The following GPR161 variants were observed in gnomAD, a reference collection of about 807,000 sequenced individuals.
GPR161 encodes G protein-coupled receptor 161, also known as G-protein coupled receptor RE2.
Under a neutral mutation model 39.2 loss-of-function variants are expected in GPR161, and 25 were observed. That is an observed-to-expected ratio of 0.64 (90% CI 0.47 to 0.89). The LOEUF is 0.89. Ranked by LOEUF, GPR161 falls within the 40% of genes least tolerant of loss-of-function variation. The pLI is 0.00. For missense variants in GPR161, 547 were observed against 677.8 expected (o/e 0.81, Z 2.14); for synonymous variants, 286 against 276.6 (o/e 1.03, Z -0.34).
chr1:168,101,425 C>G (rs1696091729), intron 2 of GPR161, among the ~76,000 whole-genome samples: 1 of 152,212 alleles, frequency 6.6e-6, no homozygotes. Flanking sequence ...AGGACAGCTC[C>G]TCACCACAGA....
intron 5 of GPR161, 60 bp from the exon 6 acceptor site, chr1:168,085,856 G>T: frequency 6.9e-7 from 1 of 1,458,244 alleles, no homozygotes; most frequent in South Asian, 1.3e-5. Context: ...ACTACCTTGG[G>T]GACAAGCCTG....
chr1:168,100,937 C>T (rs1371438193), intron 2 of GPR161, among the ~76,000 whole-genome samples: 1 of 152,136 alleles, frequency 6.6e-6, no homozygotes, highest in Non-Finnish European at 1.5e-5. Context: ...ACAGTGGAAC[C>T]GCTGGCAGGT....
chr1:168,100,094 A>G (rs1695950317), intron 2 of GPR161, among the ~76,000 whole-genome samples: 1 of 150,636 alleles, frequency 6.6e-6, no homozygotes, highest in African/African-American at 2.4e-5. Context: ...AGACTTAGCT[A>G]TTTGGGAGGC....
In GPR161 at chr1:168,104,436, G is replaced by A. The variant is rs58267267; in HGVS notation, c.374+41C>T. On this transcript the variant is annotated intron_variant, in intron 2 of 5. Transcript: ENST00000682931. ...GGGACACTGCACCAGATGAGCGCCCGTCAGTAATCCCTCAATTCTCTAAGT... is the reference window on the plus strand; with the variant it reads ...GGGACACTGCACCAGATGAGCGCCCATCAGTAATCCCTCAATTCTCTAAGT... The A allele has an allele frequency of 8.1e-4, 1,255 of 1,541,882 alleles. 10 individuals carry two copies. The African/African-American group carries it at 0.012, about 15-fold the overall frequency.
At chr1:168,119,238 AT>A (rs1697920230) in intron 1 of GPR161, among the ~76,000 whole-genome samples, 1 of 124,172 alleles carries the variant, frequency 8.1e-6, no homozygotes, top group African/African-American at 3.4e-5. Flanking sequence ...GTATATATAT[AT>A]ATACACATAT....
chr1:168,090,297 C>T (rs1694925345), intron 4 of GPR161: 2 of 315,446 alleles, frequency 6.3e-6, no homozygotes, highest in South Asian at 1.0e-4. Flanking sequence ...CAAAGGCTTT[C>T]ACTCACTTTC....
chr1:168,105,316 A>C (rs1237390946), intron 1 of GPR161, among the ~76,000 whole-genome samples: 2 of 152,064 alleles, frequency 1.3e-5, no homozygotes, highest in African/African-American at 4.8e-5. Context: ...GGGCTGTTAC[A>C]AGTGGTCTAT....
chr1:168,119,938 A>G (rs1698024083), intron 1 of GPR161, among the ~76,000 whole-genome samples: 1 of 152,250 alleles, frequency 6.6e-6, no homozygotes, highest in Non-Finnish European at 1.5e-5. Context: ...TCCAGGCAGA[A>G]GTCTGCTGCA....
At chr1:168,110,592 G>GA (rs112057585) in intron 1 of GPR161, among the ~76,000 whole-genome samples, 1 of 71,848 alleles carries the variant, frequency 1.4e-5, no homozygotes, top group Non-Finnish European at 2.6e-5. Context: ...GAAAAGAAAA[G>GA]AAAAGAGACA....
At chr1:168,087,334 G>GGTGGGTGT (rs1553258171) in intron 5 of GPR161, among the ~76,000 whole-genome samples, 3 of 148,684 alleles carry the variant, frequency 2.0e-5, no homozygotes, top group African/African-American at 7.4e-5. Flanking sequence ...AACACGTGTG[G>GGTGGGTGT]GTGTGTGTGT....
chr1:168,133,963 G>A (rs1025929001), intron 1 of GPR161: 9 of 615,440 alleles, frequency 1.5e-5, no homozygotes, highest in African/African-American at 1.4e-4. Flanking sequence ...CAAAGGTGGG[G>A]AGAAGGAGTA....
In GPR161 at chr1:168,098,735, G is replaced by A. The variant is rs183840243; in HGVS notation, c.375-1503C>T. On this transcript the variant is annotated intron_variant, in intron 2 of 5. Transcript: ENST00000682931. The surrounding 1 kb of genome is among the most constrained non-coding windows in gnomAD (Gnocchi z 4.1). ...GAGAGCATTTCCGGCTATGCGGCCTGAGGAGAAGATTGCGCAGTGATTAGG... is the reference window on the plus strand; with the variant it reads ...GAGAGCATTTCCGGCTATGCGGCCTAAGGAGAAGATTGCGCAGTGATTAGG... 6.6e-6 allele frequency among the ~76,000 whole-genome samples: 1 copy of A among 152,348 alleles called. No individual in the cohort carries two copies. Among genetic ancestry groups the A allele is most frequent in the East Asian group, 1.9e-4 (1 of 5,166 alleles).
chr1:168,108,559 C>A (rs7556350), intron 1 of GPR161, among the ~76,000 whole-genome samples: 1 of 115,424 alleles, frequency 8.7e-6, no homozygotes, highest in Non-Finnish European at 1.8e-5. Context: ...CATACACACA[C>A]AAATATATAT....
intron 1 of GPR161, among the ~76,000 whole-genome samples, chr1:168,116,933 C>T (rs894235869): frequency 3.9e-5 from 6 of 152,180 alleles, no homozygotes; most frequent in Non-Finnish European, 2.9e-5. Flanking sequence ...AGAGTCAGAA[C>T]CCCAGATGGC....
Position 168,081,321 on chromosome 1 carries a change from G to C in GPR161, c.*4210C>G, listed in dbSNP as rs1694061866. On this transcript the variant is annotated 3_prime_UTR_variant, in exon 6 of 6. Transcript: ENST00000682931. The stretch of plus-strand genomic sequence containing the variant: ...TCCTTCCTTGCTGTGCAACAAATAT[G>C]ACAAAATTCCCAAGGCAAAAACCTT... The C allele has an allele frequency of 6.6e-6, 1 of 152,064 alleles. No homozygotes were observed. The highest frequency in any genetic ancestry group is 1.5e-5 in the Non-Finnish European group (1 of 68,040). The allele number at this position is 152,064 out of a possible 1,614,324, so 9.4% of individuals were successfully genotyped here.
intron 2 of GPR161, among the ~76,000 whole-genome samples, chr1:168,101,221 T>C (rs1696074546): frequency 6.6e-6 from 1 of 152,200 alleles, no homozygotes; most frequent in African/African-American, 2.4e-5. Flanking sequence ...GTTGGTGTAC[T>C]GCACCCATTA....
chr1:168,121,766 G>A (rs1698185882), intron 1 of GPR161, among the ~76,000 whole-genome samples: 2 of 152,186 alleles, frequency 1.3e-5, no homozygotes, highest in Admixed American at 6.5e-5. Flanking sequence ...GCAGCCCGCC[G>A]GCTGCCCCAG....
At chr1:168,135,031 A>C (rs1699260472) in intron 1 of GPR161, 20 of 1,522,164 alleles carry the variant, frequency 1.3e-5, no homozygotes, top group Non-Finnish European at 1.8e-5. Context: ...CGCACAGTGC[A>C]CCAGGCTGCA....
chr1:168,088,593 T>C (rs1429132540), intron 4 of GPR161: 1 of 152,268 alleles, frequency 6.6e-6, no homozygotes, highest in East Asian at 1.9e-4. Flanking sequence ...AATGCCTCAG[T>C]ATCTTTCCAC....
Sources: gnomAD v4.1 joint callset for allele counts (sites outside exome capture counted in the v4.1 genomes callset) on GRCh38, gnomAD v4.1.1 for gene constraint, Gnocchi (gnomAD v3.1) non-coding constraint, MANE v1.5 for transcripts, NCBI Gene and HGNC (gene_info 2026-07-23, HGNC 2026-07-21) for gene names.